Variants in IFRD1 observed in about 807,000 individuals in gnomAD.
The protein encoded by IFRD1 is interferon related developmental regulator 1.
IFRD1 carries 35 observed loss-of-function variants against 52.9 expected under a neutral mutation model. The observed-to-expected ratio is 0.66, with a 90% CI of 0.51 to 0.88. The LOEUF is 0.88. Ranked by LOEUF, IFRD1 falls within the 40% of genes least tolerant of loss-of-function variation. The pLI is 0.00. For missense variants in IFRD1, 517 were observed against 550.8 expected (o/e 0.94, Z 0.61); for synonymous variants, 184 against 188.4 (o/e 0.98, Z 0.19).
intron 1 of IFRD1, among the ~76,000 whole-genome samples, chr7:112,438,174 A>G (rs1794759762): frequency 6.6e-6 from 1 of 152,208 alleles, no homozygotes. Context: ...GCTTCAAAAG[A>G]ATACATTACT....
intron 1 of IFRD1, chr7:112,452,410 G>C: frequency 1.0e-6 from 1 of 952,478 alleles, no homozygotes. Context: ...TCCTGCCTAA[G>C]CCTCCCACAA....
chr7:112,460,998 TGTAA>T (rs1795419847), intron 5 of IFRD1, among the ~76,000 whole-genome samples: 1 of 152,142 alleles, frequency 6.6e-6, no homozygotes, highest in South Asian at 2.1e-4. Context: ...AGATGGCTTG[TGTAA>T]GTGTTGTGTT....
intron 1 of IFRD1, among the ~76,000 whole-genome samples, chr7:112,455,083 C>A (rs1272327930): frequency 2.0e-5 from 3 of 150,920 alleles, no homozygotes; most frequent in Non-Finnish European, 4.4e-5. Flanking sequence ...AGGCAGGTCT[C>A]AAATTCCTGA....
intron 5 of IFRD1, among the ~76,000 whole-genome samples, chr7:112,461,057 C>G (rs1047735097): frequency 2.0e-5 from 3 of 152,126 alleles, no homozygotes; most frequent in African/African-American, 7.2e-5. Context: ...TAATCATATA[C>G]TATACTCACT....
chr7:112,462,375 G>C lies in IFRD1; in HGVS notation c.903G>C (p.Glu301Asp), dbSNP rs1795463493. The C allele has an allele frequency of 6.3e-7, 1 of 1,590,058 alleles. No individual in the cohort carries two copies. The highest frequency in any genetic ancestry group is 1.3e-5 in the African/African-American group (1 of 74,546). Residue 301 changes from glutamate to aspartate, a missense_variant, in exon 8 of 12, where the codon GAG becomes GAC. Physicochemically the swap from Glu to Asp is conservative, Grantham distance 45. Transcript: ENST00000403825. The stretch of plus-strand genomic sequence containing the variant: ...TCTTTGAATTGGCCAGAGGAATAGA[G>C]AGTGTAAGTATCTAACTGGCAGAGG... Reference protein sequence around the residue: ...ALLFELARGIESDFFYEDMES... With the variant: ...ALLFELARGIDSDFFYEDMES...
upstream of IFRD1, chr7:112,446,414 G>A (rs1196980047): frequency 6.5e-6 from 1 of 154,568 alleles, no homozygotes; most frequent in Non-Finnish European, 1.5e-5. Flanking sequence ...TAAGTGCCAC[G>A]TACTGTTCCA....
At chr7:112,452,574 G>A in intron 1 of IFRD1, 1 of 424,124 alleles carries the variant, frequency 2.4e-6, no homozygotes, top group Non-Finnish European at 3.2e-6. Flanking sequence ...GCTAAAGTTT[G>A]AAAGTTATAA....
At chr7:112,475,169 A>G (rs1357948193) in intron 11 of IFRD1, among the ~76,000 whole-genome samples, 3 of 152,112 alleles carry the variant, frequency 2.0e-5, no homozygotes, top group African/African-American at 7.2e-5. Context: ...CGTGTTAGCC[A>G]GGATGGTCTC....
intron 1 of IFRD1, chr7:112,452,470 C>A: frequency 1.0e-6 from 1 of 981,502 alleles, no homozygotes; most frequent in Non-Finnish European, 1.2e-6. Context: ...TGTGTTTCAG[C>A]TTTTCCTCAT....
intron 5 of IFRD1, among the ~76,000 whole-genome samples, chr7:112,460,025 A>G (rs1795394668): frequency 6.6e-6 from 1 of 152,208 alleles, no homozygotes; most frequent in South Asian, 2.1e-4. Flanking sequence ...CAGCTTTTAA[A>G]TCATGTGGAA....
chr7:112,459,308 G>C (rs765342844), intron 5 of IFRD1, among the ~76,000 whole-genome samples: 1 of 152,134 alleles, frequency 6.6e-6, no homozygotes, highest in African/African-American at 2.4e-5. Context: ...TCTAATTTTG[G>C]GGTTTGAGAA....
intron 9 of IFRD1, among the ~76,000 whole-genome samples, chr7:112,471,751 G>A (rs1456677703): frequency 6.6e-6 from 1 of 151,568 alleles, no homozygotes; most frequent in Non-Finnish European, 1.5e-5. Context: ...AGCCCTTCTG[G>A]TTGCTGGACC....
chr7:112,468,425 A>G (rs547172167), intron 9 of IFRD1, among the ~76,000 whole-genome samples: 3 of 152,230 alleles, frequency 2.0e-5, no homozygotes, highest in South Asian at 4.1e-4. Context: ...TAGCATATAC[A>G]TTCTTAGTGT....
At chr7:112,450,955 C>G (rs535871549) in intron 1 of IFRD1, 173 bp downstream of exon 1, 4 of 653,538 alleles carry the variant, frequency 6.1e-6, no homozygotes, top group Admixed American at 4.8e-5. Flanking sequence ...CGCTGCTCCT[C>G]GCGCGATTTA....
chr7:112,462,887 T>C (rs1293427006), intron 8 of IFRD1, among the ~76,000 whole-genome samples: 1 of 152,186 alleles, frequency 6.6e-6, no homozygotes, highest in Non-Finnish European at 1.5e-5. Context: ...CACTCACAGA[T>C]GTTAGTTACC....
chr7:112,450,310 G>A (rs1795118512), upstream of IFRD1: 5 of 220,914 alleles, frequency 2.3e-5, no homozygotes, highest in South Asian at 5.3e-5. Context: ...CTGGCCGCAT[G>A]GGATTTGTAG....
intron 1 of IFRD1, among the ~76,000 whole-genome samples, chr7:112,438,312 C>T (rs185696572): frequency 1.3e-5 from 2 of 152,242 alleles, no homozygotes; most frequent in African/African-American, 4.8e-5. Flanking sequence ...AAGTGTACTA[C>T]CTCATTTAAA....
chr7:112,457,193 G>C, intron 4 of IFRD1, 155 bp downstream of exon 4: 2 of 758,596 alleles, frequency 2.6e-6, no homozygotes, highest in Non-Finnish European at 2.2e-6. Flanking sequence ...CTCAAAATGA[G>C]ACTTGTTAGA....
rs3128396 is a variant in IFRD1, at chr7:112,430,182, G to A, written c.-182+6750G>A. ...AAAGCAAAAAATTGTAATCAGCAAC[G>A]TAGAAAAGATGCAACCTGAGGCAGG... On this transcript the variant is annotated intron_variant, in intron 1 of 12. Coordinates refer to the IFRD1 transcript ENST00000005558. Among the ~76,000 whole-genome samples the A allele has an allele frequency of 7.0e-3, 1,064 of 152,324 alleles. 10 individuals carry two copies. Among genetic ancestry groups the A allele is most frequent in the African/African-American group, 0.024 (1,018 of 41,554 alleles).
Sources: gnomAD v4.1 joint callset for allele counts (sites outside exome capture counted in the v4.1 genomes callset) on GRCh38, gnomAD v4.1.1 for gene constraint, MANE v1.5 for transcripts, NCBI Gene and HGNC (gene_info 2026-07-23, HGNC 2026-07-21) for gene names.